LARP4: variants seen among roughly 807,000 people sequenced by gnomAD.
LARP4 encodes the protein La ribonucleoprotein 4, also known as la-related protein 4.
Under a neutral mutation model 92.9 loss-of-function variants are expected in LARP4, and 29 were observed. The ratio of observed to expected loss-of-function variants is 0.31; its 90% CI spans 0.23 to 0.43. The LOEUF (loss-of-function observed/expected upper bound fraction) is 0.43, where lower values mean the gene tolerates loss of function less well. Ranked by LOEUF, LARP4 falls within the 20% of genes least tolerant of loss-of-function variation. The pLI, the probability that LARP4 is intolerant of heterozygous loss-of-function variation, is 1.00. For missense variants in LARP4, 732 were observed against 860.0 expected (o/e 0.85, Z 1.86); for synonymous variants, 279 against 284.1 (o/e 0.98, Z 0.18).
Position 50,400,986 on chromosome 12 carries a change from A to G in LARP4, c.-25A>G. The G allele has an allele frequency of 6.2e-7, 1 of 1,613,860 alleles. No individual in the cohort carries two copies. The highest frequency in any genetic ancestry group is 8.5e-7 in the Non-Finnish European group (1 of 1,179,880). On this transcript the variant is annotated 5_prime_UTR_variant, in exon 1 of 16. Coordinates refer to ENST00000398473, the MANE Select transcript of LARP4 (RefSeq NM_052879.5). ...GCCAGTTGGAGTTGCGGCGGCGGGAACGATTGGGCTGAGCAGAGGACGACA... is the reference window on the plus strand; with the variant it reads ...GCCAGTTGGAGTTGCGGCGGCGGGAGCGATTGGGCTGAGCAGAGGACGACA...
chr12:50,415,686 TC>T (rs370293141), intron 1 of LARP4: 2 of 149,444 alleles, frequency 1.3e-5, no homozygotes, highest in Non-Finnish European at 3.0e-5. Context: ...ATTCCCAGCT[TC>T]TTTTTTTTGT....
chr12:50,454,633 A>AT (rs1226782096), intron 10 of LARP4: 31 of 381,024 alleles, frequency 8.1e-5, no homozygotes, highest in Middle Eastern at 7.1e-4. Flanking sequence ...TGGGATTCAG[A>AT]TTTTTTTTAA....
rs1271472551 is a variant in LARP4, at chr12:50,465,387, A to AG, written c.1384-1572_1384-1571insG. Among the ~76,000 whole-genome samples the AG allele has an allele frequency of 4.6e-5, 7 of 151,646 alleles. 1 individual carries two copies. In the Middle Eastern group the frequency reaches 0.021, roughly 445 times the overall value. On this transcript the variant is annotated intron_variant, in intron 12 of 15. Coordinates refer to ENST00000398473, the MANE Select transcript of LARP4 (RefSeq NM_052879.5). Reference sequence around the variant, plus strand: ...ACTCTGTCTCAAAAAAAAAAAAAAAAAAGAGAGATTAGATTTGGGGTTTAT... The same window carrying AG: ...ACTCTGTCTCAAAAAAAAAAAAAAAAGAAGAGAGATTAGATTTGGGGTTTAT...
chr12:50,450,247 C>T (rs952307534), intron 8 of LARP4, among the ~76,000 whole-genome samples: 5 of 151,924 alleles, frequency 3.3e-5, no homozygotes, highest in African/African-American at 1.2e-4. Flanking sequence ...GCAATCTTTA[C>T]TGGTTACCTT....
chr12:50,431,328 A>T (rs1949628214), intron 4 of LARP4, among the ~76,000 whole-genome samples: 1 of 152,202 alleles, frequency 6.6e-6, no homozygotes, highest in Non-Finnish European at 1.5e-5. Flanking sequence ...TAATATAAAG[A>T]TAATGAAGTT....
intron 1 of LARP4, among the ~76,000 whole-genome samples, chr12:50,414,138 G>A (rs1383617826): frequency 6.6e-6 from 1 of 152,152 alleles, no homozygotes; most frequent in Non-Finnish European, 1.5e-5. Flanking sequence ...TATCAAAATA[G>A]TATTGAATCT....
intron 12 of LARP4, among the ~76,000 whole-genome samples, chr12:50,464,581 CG>C (rs201127345): frequency 0.013 from 1,975 of 152,172 alleles, 44 homozygotes; most frequent in African/African-American, 0.043. Context: ...TTAGTAGAGA[CG>C]GAGTTTCACC....
intron 2 of LARP4, 141 bp from the exon 3 acceptor site, chr12:50,428,794 A>G (rs1949202827): frequency 1.7e-6 from 1 of 602,042 alleles, no homozygotes; most frequent in Admixed American, 3.7e-5. Flanking sequence ...CGGAATGATA[A>G]CTCTTGCTTA....
At chr12:50,462,837 G>A (rs978555668) in intron 12 of LARP4, among the ~76,000 whole-genome samples, 1 of 152,114 alleles carries the variant, frequency 6.6e-6, no homozygotes, top group East Asian at 1.9e-4. Flanking sequence ...AGCTTCGCTT[G>A]TGTTGCTTGC....
rs4298982 is a variant in LARP4 at position 50,476,646 on chromosome 12, A to C, written c.*782A>C. ...AATTTCATCTTGGACCTCAGTGCAT[A>C]GGTCAAATGGATTTCAGAGGTTTAA... On this transcript the variant is annotated 3_prime_UTR_variant, in exon 16 of 16. Transcript: ENST00000398473. 0.71 allele frequency: 108,480 copies of C among 152,360 alleles called. 44,559 individuals carry two copies. Among genetic ancestry groups the C allele is most frequent in the Non-Finnish European group, 0.93 (63,197 of 68,004 alleles). 9.4% of individuals were successfully genotyped at this position (152,360 alleles called of 1,614,324 possible). A position where few individuals can be genotyped will look rare whatever the true frequency, so the allele number is the denominator to read the frequency against.
intron 15 of LARP4, among the ~76,000 whole-genome samples, chr12:50,474,746 A>G (rs1433371396): frequency 6.6e-6 from 1 of 152,190 alleles, no homozygotes; most frequent in Non-Finnish European, 1.5e-5. Flanking sequence ...GGGCTAACAT[A>G]AAGAGGCCTT....
Position 50,427,789 on chromosome 12 carries a change from A to C in LARP4, c.46A>C (p.Asn16His). 1 of 1,596,418 alleles carries C rather than the reference A, an allele frequency of 6.3e-7. No homozygotes were observed. Among genetic ancestry groups the C allele is most frequent in the Non-Finnish European group, 8.6e-7 (1 of 1,168,580 alleles). ...GGTAGCATCTAAAGGAACTGGTTTAAATCCTAATGCCAAAGTATGGCAAGA... is the reference window on the plus strand; with the variant it reads ...GGTAGCATCTAAAGGAACTGGTTTACATCCTAATGCCAAAGTATGGCAAGA... ...EQVASKGTGL[N>H]PNAKVWQEIA... Residue 16 changes from asparagine (N) to histidine (H), a missense_variant, in exon 2 of 16, where the codon AAT becomes CAT. By Grantham distance (68) the Asn-to-His change is moderately conservative. Transcript: ENST00000398473.
Position 50,427,775 on chromosome 12 carries a change from A to C in LARP4, c.32A>C (p.Lys11Thr), listed in dbSNP as rs761470805. 2 of 1,570,242 alleles carry C rather than the reference A, an allele frequency of 1.3e-6. No homozygotes were observed. The highest frequency in any genetic ancestry group is 1.7e-6 in the Non-Finnish European group (2 of 1,152,820). The change falls in exon 2 of 16, where the codon AAA becomes ACA. Residue 11 changes from lysine (K) to threonine (T), a missense_variant. Physicochemically the swap from Lys to Thr is moderately conservative, Grantham distance 78. Around this residue, in one of 7 missense-constraint regions of LARP4, gnomAD observed 236 missense variants for 307.6 expected, o/e 0.77. Coordinates refer to ENST00000398473, the MANE Select transcript of LARP4 (RefSeq NM_052879.5). The stretch of plus-strand genomic sequence containing the variant: ...TCGATTATTTAGCAGGTAGCATCTA[A>C]AGGAACTGGTTTAAATCCTAATGCC... The part of the protein sequence containing the change: MLLFVEQVAS[K>T]GTGLNPNAKV...
intron 8 of LARP4, among the ~76,000 whole-genome samples, chr12:50,445,344 A>T (rs1005468860): frequency 1.3e-4 from 20 of 151,752 alleles, no homozygotes; most frequent in African/African-American, 4.8e-4. Flanking sequence ...CCTGTATATG[A>T]TGTGTCCTTT....
chr12:50,407,639 G>A (rs1945094434), intron 1 of LARP4, among the ~76,000 whole-genome samples: 3 of 152,058 alleles, frequency 2.0e-5, no homozygotes, highest in African/African-American at 7.2e-5. Flanking sequence ...GAGGCCAGGA[G>A]TTTGAGACCA....
intron 1 of LARP4, among the ~76,000 whole-genome samples, chr12:50,402,465 G>A (rs573037846): frequency 6.6e-6 from 1 of 152,232 alleles, no homozygotes; most frequent in South Asian, 2.1e-4. Flanking sequence ...GGAATGTTAT[G>A]CTATGTAAAT....
At chr12:50,405,325 T>C (rs1469108572) in intron 1 of LARP4, among the ~76,000 whole-genome samples, 1 of 152,168 alleles carries the variant, frequency 6.6e-6, no homozygotes, top group Admixed American at 6.5e-5. Flanking sequence ...CAACAAATTG[T>C]TTGTAAGTTT....
chr12:50,414,277 T>C (rs1048537524), intron 1 of LARP4, among the ~76,000 whole-genome samples: 1 of 152,174 alleles, frequency 6.6e-6, no homozygotes, highest in Non-Finnish European at 1.5e-5. Flanking sequence ...TTGTAACCTT[T>C]CAGGTCTTTT....
chr12:50,406,297 C>CCCCCCA (rs1944819893), intron 1 of LARP4, among the ~76,000 whole-genome samples: 4 of 150,082 alleles, frequency 2.7e-5, no homozygotes, highest in Non-Finnish European at 5.9e-5. Flanking sequence ...AAGTTAGACA[C>CCCCCCA]CCCCCACCCC....
Sources: allele counts gnomAD v4.1 joint callset (sites outside exome capture counted in the v4.1 genomes callset), GRCh38; gene constraint gnomAD v4.1.1; regional missense constraint gnomAD v4.1.1; transcripts MANE v1.5; gene names NCBI Gene and HGNC (gene_info 2026-07-23, HGNC 2026-07-21).